The following PRELID2 variants were observed in gnomAD, a reference collection of about 807,000 sequenced individuals.
PRELID2 encodes PRELI domain-containing protein 2.
A neutral mutation model predicts 28.4 loss-of-function variants in PRELID2; 25 were observed. That is an observed-to-expected ratio of 0.88 (90% CI 0.64 to 1.23). The LOEUF is 1.23. Among genes scored for constraint, PRELID2 ranks in the 50% most tolerant of loss-of-function variants. The pLI is 0.00. For missense variants in PRELID2, 201 were observed against 214.4 expected (o/e 0.94, Z 0.39); for synonymous variants, 76 against 71.6 (o/e 1.06, Z -0.31).
rs186602219 is a variant in PRELID2, at chr5:145,799,710, G to A, written c.369-3163C>T. 9.2e-4 allele frequency among the ~76,000 whole-genome samples: 140 copies of A among 152,284 alleles called. 1 individual carries two copies. Among genetic ancestry groups the A allele is most frequent in the Admixed American group, 4.0e-3 (61 of 15,286 alleles). ...CATAAGGTGGGTGTGGGAGATGTTA[G>A]GGTATGAGGCTGAAAGGATAATTGA... On this transcript the variant is annotated intron_variant, in intron 4 of 6. Coordinates refer to ENST00000683046, the MANE Select transcript of PRELID2 (RefSeq NM_205846.3).
chr5:145,801,572 T>A (rs540724700), intron 4 of PRELID2, among the ~76,000 whole-genome samples: 7 of 152,326 alleles, frequency 4.6e-5, no homozygotes, highest in Non-Finnish European at 8.8e-5. Context: ...ATATCAGACA[T>A]TGTATTACCT....
intron 1 of PRELID2, among the ~76,000 whole-genome samples, chr5:145,705,364 TGGG>T (rs760684605): frequency 0.051 from 7,656 of 151,542 alleles, 354 homozygotes; most frequent in African/African-American, 0.12. Context: ...CTAATTTTTG[TGGG>T]TTTTTTTTGT....
the PRELID2 span, among the ~76,000 whole-genome samples, chr5:145,392,388 C>G: frequency 6.6e-6 from 1 of 152,030 alleles, no homozygotes; most frequent in Non-Finnish European, 1.5e-5. Context: ...ATCAAGAGAA[C>G]AGCATGAGAG....
intron 1 of PRELID2, among the ~76,000 whole-genome samples, chr5:145,539,056 G>T (rs1168263866): frequency 6.6e-6 from 1 of 151,786 alleles, no homozygotes; most frequent in Non-Finnish European, 1.5e-5. Flanking sequence ...GTCTTCCAAG[G>T]AGTAGAAAGG....
intron 1 of PRELID2, among the ~76,000 whole-genome samples, chr5:145,710,256 T>C (rs1755658135): frequency 6.6e-6 from 1 of 152,214 alleles, no homozygotes; most frequent in African/African-American, 2.4e-5. Context: ...AAATATTTAC[T>C]ATCTTTGGTA....
chr5:145,272,088 T>G, the PRELID2 span, among the ~76,000 whole-genome samples: 1 of 151,986 alleles, frequency 6.6e-6, no homozygotes, highest in East Asian at 1.9e-4. Context: ...CAACATATTT[T>G]TTTTTTATTT....
chr5:145,789,857 A>C (rs1752248299), intron 5 of PRELID2, among the ~76,000 whole-genome samples: 1 of 152,226 alleles, frequency 6.6e-6, no homozygotes, highest in Non-Finnish European at 1.5e-5. Context: ...TCCCACAAGA[A>C]AATATACAAA....
At chr5:145,470,476 G>GA (rs11452919), downstream of PRELID2, among the ~76,000 whole-genome samples, 100,610 of 151,862 alleles carry the variant, frequency 0.66, 33,961 homozygotes, top group Non-Finnish European at 0.72. Flanking sequence ...ACACTAGTTA[G>GA]GTAATTTTTA....
chr5:145,682,338 T>C (rs1334435129), intron 1 of PRELID2, among the ~76,000 whole-genome samples: 1 of 152,160 alleles, frequency 6.6e-6, no homozygotes, highest in East Asian at 1.9e-4. Flanking sequence ...GGGAAAATAA[T>C]AACCACTATC....
At chr5:145,483,242 G>A (rs1299804809) in intron 1 of PRELID2, among the ~76,000 whole-genome samples, 1 of 152,044 alleles carries the variant, frequency 6.6e-6, no homozygotes, top group Admixed American at 6.6e-5. Flanking sequence ...GCTGGCCCTG[G>A]GACTTGCTCA....
intron 1 of PRELID2, among the ~76,000 whole-genome samples, chr5:145,634,890 G>A (rs1753979873): frequency 6.6e-6 from 1 of 152,084 alleles, no homozygotes. Context: ...GGCCCTCTAG[G>A]ATCAAAGCTT....
At chr5:145,705,278 C>G (rs748442482) in intron 1 of PRELID2, among the ~76,000 whole-genome samples, 6 of 151,968 alleles carry the variant, frequency 3.9e-5, no homozygotes, top group Non-Finnish European at 7.4e-5. Context: ...GCAACCTCCA[C>G]CACCTGGGTT....
In PRELID2 at chr5:145,576,835, A is replaced by G. The variant is rs146800062; in HGVS notation, n.71-103520T>C. Among the ~76,000 whole-genome samples, 306 of 152,290 alleles carry G rather than the reference A, an allele frequency of 2.0e-3. 2 individuals are homozygous for G. The highest frequency in any genetic ancestry group is 6.8e-3 in the African/African-American group (284 of 41,578). Reference sequence around the variant, plus strand: ...TTGTAATGTTCTCACTACAAATAAAATAGTAATGTTTGAGTTGATAGATAT... The same window carrying G: ...TTGTAATGTTCTCACTACAAATAAAGTAGTAATGTTTGAGTTGATAGATAT... On this transcript the variant is annotated intron_variant and non_coding_transcript_variant, in intron 1 of 2. Coordinates refer to the PRELID2 transcript ENST00000510259.
At chr5:145,482,444 G>A (rs1752169970) in intron 1 of PRELID2, among the ~76,000 whole-genome samples, 1 of 152,156 alleles carries the variant, frequency 6.6e-6, no homozygotes, top group Non-Finnish European at 1.5e-5. Flanking sequence ...ATGGTTGGCT[G>A]TGAGGATACA....
chr5:145,504,914 T>C lies in PRELID2; in HGVS notation n.71-31599A>G, dbSNP rs1296338344. On this transcript the variant is annotated intron_variant and non_coding_transcript_variant, in intron 1 of 2. Coordinates refer to the PRELID2 transcript ENST00000510259. ...TTCTCCAAATGGTTGAACACCAATA[T>C]ATTCTTGTTCACTTCACATTTTGGA... Among the ~76,000 whole-genome samples, 4 of 152,196 alleles carry C rather than the reference T, an allele frequency of 2.6e-5. No homozygotes were observed. In the East Asian group the frequency reaches 7.7e-4, roughly 29 times the overall value.
chr5:145,347,990 C>T, the PRELID2 span, among the ~76,000 whole-genome samples: 2 of 151,718 alleles, frequency 1.3e-5, no homozygotes, highest in Non-Finnish European at 2.9e-5. Context: ...GTATTTTTAG[C>T]AGAAAAAAAA....
chr5:145,246,428 A>T, the PRELID2 span, among the ~76,000 whole-genome samples: 13 of 152,146 alleles, frequency 8.5e-5, no homozygotes, highest in African/African-American at 3.1e-4. Flanking sequence ...ATGTAGTTGT[A>T]CAAATAAAAA....
intron 1 of PRELID2, among the ~76,000 whole-genome samples, chr5:145,524,574 T>C (rs1752591932): frequency 6.6e-6 from 1 of 152,244 alleles, no homozygotes; most frequent in Non-Finnish European, 1.5e-5. Context: ...CTCCATGTGG[T>C]AATTCTGTAA....
intron 1 of PRELID2, among the ~76,000 whole-genome samples, chr5:145,748,833 C>T (rs1166161542): frequency 4.6e-5 from 7 of 152,114 alleles, no homozygotes; most frequent in Non-Finnish European, 1.0e-4. Flanking sequence ...TATCTACAAC[C>T]ATCTGCCCTT....
Sources: allele counts gnomAD v4.1 joint callset (sites outside exome capture counted in the v4.1 genomes callset), GRCh38; gene constraint gnomAD v4.1.1; transcripts MANE v1.5; gene names NCBI Gene and HGNC (gene_info 2026-07-23, HGNC 2026-07-21).